WNT7A: variants seen among roughly 807,000 people sequenced by gnomAD.
The protein encoded by WNT7A is Wnt family member 7A, also known as protein Wnt-7a.
Under a neutral mutation model 28.2 loss-of-function variants are expected in WNT7A, and 16 were observed. That is an observed-to-expected ratio of 0.57 (90% CI 0.38 to 0.86). WNT7A has a LOEUF of 0.86. WNT7A is among the 40% of genes least tolerant of loss of function. WNT7A has a pLI of 0.00. For synonymous variants in WNT7A, 190 were observed against 195.9 expected, an observed-to-expected ratio of 0.97 and a Z score of 0.25; for missense variants, 411 against 489.7, an observed-to-expected ratio of 0.84 and a Z score of 1.52.
chr3:13,844,692 G>T (rs1255828417), intron 3 of WNT7A, among the ~76,000 whole-genome samples: 2 of 152,202 alleles, frequency 1.3e-5, no homozygotes, highest in African/African-American at 4.8e-5. Flanking sequence ...ACACTGAAAG[G>T]AGGTAATTTA....
At position 13,856,987 on chromosome 3, in the gene WNT7A, G is replaced by A. The variant is rs9819862; in HGVS notation, c.299-2184C>T. Among the ~76,000 whole-genome samples the A allele has an allele frequency of 5.8e-3, 416 of 71,364 alleles. 10 individuals are homozygous for A. The highest frequency in any genetic ancestry group is 0.026 in the African/African-American group (336 of 12,924). 46.8% of individuals were successfully genotyped at this position (71,364 alleles called of 152,430 possible). On this transcript the variant is annotated intron_variant, in intron 2 of 3. Transcript: ENST00000285018. ...GAAGAAGGAGAAGAAGAAGAAGAAG[G>A]AGAAGAAGAAGAAGAAGAAGGAAGA...
chr3:13,860,731 G>A (rs1483084608), intron 2 of WNT7A, among the ~76,000 whole-genome samples: 1 of 152,212 alleles, frequency 6.6e-6, no homozygotes, highest in South Asian at 2.1e-4. Flanking sequence ...TCACTGCTCC[G>A]AGAACAGCCC....
intron 1 of WNT7A, chr3:13,875,822 G>A (rs1389196428): frequency 1.9e-5 from 3 of 155,258 alleles, no homozygotes; most frequent in African/African-American, 7.2e-5. Context: ...CCTAGAGGAT[G>A]TGTGCGACTA....
chr3:13,864,734 C>G (rs1694883908), intron 2 of WNT7A, among the ~76,000 whole-genome samples: 1 of 152,112 alleles, frequency 6.6e-6, no homozygotes, highest in South Asian at 2.1e-4. Flanking sequence ...TAAATTGAAC[C>G]AAATGTACCA....
intron 3 of WNT7A, among the ~76,000 whole-genome samples, chr3:13,851,667 G>GC: frequency 1.3e-5 from 2 of 152,228 alleles, no homozygotes; most frequent in Middle Eastern, 6.8e-3. Context: ...AAAAACTGTG[G>GC]GTAGTTAATT....
chr3:13,827,788 C>T (rs1201677092), intron 3 of WNT7A, among the ~76,000 whole-genome samples: 2 of 152,156 alleles, frequency 1.3e-5, no homozygotes, highest in Non-Finnish European at 2.9e-5. Flanking sequence ...GGCTTCCCAG[C>T]GTTGAACACA....
At chr3:13,830,650 G>T (rs371957257) in intron 3 of WNT7A, among the ~76,000 whole-genome samples, 19 of 152,248 alleles carry the variant, frequency 1.2e-4, no homozygotes, top group African/African-American at 4.6e-4. Flanking sequence ...CCTGTCCATG[G>T]ACCACATGGT....
intron 2 of WNT7A, among the ~76,000 whole-genome samples, chr3:13,856,960 A>AAGAAGAAGAAGAAGAAGGAGAAGAAGG (rs1559303362): frequency 9.4e-5 from 11 of 117,540 alleles, no homozygotes; most frequent in African/African-American, 4.1e-4. Flanking sequence ...GAAGAAGAAG[A>AAGAAGAAGAAGAAGAAGGAGAAGAAGG]AGAAGAAGGA....
chr3:13,848,022 T>G (rs1227040910), intron 3 of WNT7A, among the ~76,000 whole-genome samples: 4 of 152,004 alleles, frequency 2.6e-5, no homozygotes, highest in Non-Finnish European at 4.4e-5. Context: ...AACATACAAT[T>G]TAAAAAAGAA....
intron 3 of WNT7A, among the ~76,000 whole-genome samples, chr3:13,842,360 G>A (rs1237918241): frequency 6.6e-6 from 1 of 152,022 alleles, no homozygotes; most frequent in African/African-American, 2.4e-5. Context: ...AAGAGATACT[G>A]GTGGGTAGAA....
chr3:13,848,080 T>C (rs1411614086), intron 3 of WNT7A, among the ~76,000 whole-genome samples: 2 of 150,488 alleles, frequency 1.3e-5, no homozygotes, highest in Admixed American at 1.3e-4. Flanking sequence ...AAAAAACAGG[T>C]CACAGAGTTA....
intron 3 of WNT7A, 58 bp downstream of exon 3, chr3:13,854,474 C>G: frequency 6.2e-7 from 1 of 1,611,400 alleles, no homozygotes; most frequent in South Asian, 1.1e-5. Flanking sequence ...ATGTTACAAA[C>G]AAGCCATTTT....
At chr3:13,831,260 C>T (rs145459849) in intron 3 of WNT7A, among the ~76,000 whole-genome samples, 54 of 152,304 alleles carry the variant, frequency 3.5e-4, no homozygotes, top group African/African-American at 1.2e-3. Flanking sequence ...CCGCTGCCTC[C>T]GAGGTAGCTG....
In WNT7A at chr3:13,818,351, C is replaced by CAAAAAAGAAAAAAAAAAAAAAAAAAAAAA. The variant is rs1694047269; in HGVS notation, c.*592_*593insTTTTTTTTTTTTTTTTTTTTTTCTTTTTT. ...TTTCTGGATAAGTAGCAGCAAACAG[C>CAAAAAAGAAAAAAAAAAAAAAAAAAAAAA]AAAAAAAAAAAAAAAAATGTGTGTG... On this transcript the variant is annotated 3_prime_UTR_variant, in exon 4 of 4. Transcript: ENST00000285018. The CAAAAAAGAAAAAAAAAAAAAAAAAAAAAA allele has an allele frequency of 1.3e-5, 1 of 79,952 alleles. No individual in the cohort carries two copies. Among genetic ancestry groups the CAAAAAAGAAAAAAAAAAAAAAAAAAAAAA allele is most frequent in the Non-Finnish European group, 2.5e-5 (1 of 40,528 alleles). 5.0% of individuals were successfully genotyped at this position (79,952 alleles called of 1,614,324 possible).
At chr3:13,825,204 T>A (rs1022092930) in intron 3 of WNT7A, among the ~76,000 whole-genome samples, 3 of 152,200 alleles carry the variant, frequency 2.0e-5, no homozygotes, top group African/African-American at 7.2e-5. Flanking sequence ...TTACTTTTCA[T>A]GGGATTGTCT....
chr3:13,843,509 C>T (rs572905179), intron 3 of WNT7A, among the ~76,000 whole-genome samples: 17 of 152,176 alleles, frequency 1.1e-4, no homozygotes, highest in African/African-American at 3.4e-4. Context: ...CACACCTCCC[C>T]GCATGGTCTG....
At chr3:13,871,512 C>A (rs922990443) in intron 2 of WNT7A, among the ~76,000 whole-genome samples, 2 of 152,050 alleles carry the variant, frequency 1.3e-5, no homozygotes, top group African/African-American at 2.4e-5. Context: ...TCCCTCCTTC[C>A]TAGCAGGCCT....
chr3:13,818,533 TGCTAGGAAAGCAA>T lies in WNT7A; in HGVS notation c.*398_*410del, dbSNP rs1694053963. 1 of 152,804 alleles carries T rather than the reference TGCTAGGAAAGCAA, an allele frequency of 6.5e-6. No individual in the cohort carries two copies. The highest frequency in any genetic ancestry group is 2.4e-5 in the African/African-American group (1 of 41,424). The allele number at this position is 152,804 out of a possible 1,614,324, so 9.5% of individuals were successfully genotyped here. On this transcript the variant is annotated 3_prime_UTR_variant, in exon 4 of 4. Transcript: ENST00000285018. Reference sequence around the variant, plus strand: ...CCTTGTCCTAGCAACAAAATCATCCTGCTAGGAAAGCAAGCAGTCCACTTTGATTGCAGAAAAC... The same window carrying T: ...CCTTGTCCTAGCAACAAAATCATCCTGCAGTCCACTTTGATTGCAGAAAAC...
At chr3:13,878,171 G>T (rs1284253664) in intron 1 of WNT7A, among the ~76,000 whole-genome samples, 1 of 152,162 alleles carries the variant, frequency 6.6e-6, no homozygotes, top group Non-Finnish European at 1.5e-5. Flanking sequence ...CCAATCCGGG[G>T]AGGCCGCGGC....
Sources: allele counts gnomAD v4.1 joint callset (sites outside exome capture counted in the v4.1 genomes callset), GRCh38; gene constraint gnomAD v4.1.1; transcripts MANE v1.5; gene names NCBI Gene and HGNC (gene_info 2026-07-23, HGNC 2026-07-21).